Variants in IL1RAPL1 observed in about 807,000 individuals in gnomAD.
IL1RAPL1 encodes interleukin 1 receptor accessory protein like 1, also known as interleukin-1 receptor accessory protein-like 1.
A neutral mutation model predicts 48.4 loss-of-function variants in IL1RAPL1; 3 were observed. The observed-to-expected ratio is 0.06, with a 90% CI of 0.03 to 0.16. The LOEUF (loss-of-function observed/expected upper bound fraction) is 0.16. IL1RAPL1 is among the 10% of genes least tolerant of loss of function. The pLI is 1.00. For synonymous variants in IL1RAPL1, 185 were observed against 187.7 expected (o/e 0.99, Z 0.12); for missense variants, 349 against 530.6 (o/e 0.66, Z 3.36).
intron 1 of IL1RAPL1, among the ~76,000 whole-genome samples, chrX:28,738,399 C>T (rs1052786081): frequency 3.6e-5 from 4 of 111,455 alleles, no homozygotes; most frequent in African/African-American, 1.3e-4. Flanking sequence ...CCTCATGTAT[C>T]TTATAAGAAG....
intron 2 of IL1RAPL1, among the ~76,000 whole-genome samples, chrX:28,933,093 G>T (rs931691537): frequency 1.9e-4 from 21 of 111,826 alleles, no homozygotes; most frequent in African/African-American, 6.8e-4. Context: ...TTTCTAGCAA[G>T]CCAGAGCATT....
At chrX:29,862,969 TAAAA>T (rs1206630965) in intron 6 of IL1RAPL1, among the ~76,000 whole-genome samples, 18 of 61,555 alleles carry the variant, frequency 2.9e-4, no homozygotes, top group African/African-American at 9.3e-4. Context: ...TTGGCATACT[TAAAA>T]AAAAAAAAAA....
intron 5 of IL1RAPL1, among the ~76,000 whole-genome samples, chrX:29,457,083 G>A (rs1180270751): frequency 3.6e-5 from 4 of 110,257 alleles, no homozygotes; most frequent in Non-Finnish European, 5.7e-5. Context: ...GCAGTGAGCC[G>A]TGATTGCACC....
intron 2 of IL1RAPL1, among the ~76,000 whole-genome samples, chrX:29,133,551 C>T (rs1929065525): frequency 9.0e-6 from 1 of 111,534 alleles, no homozygotes; most frequent in Admixed American, 9.6e-5. Context: ...ACAAAAATTG[C>T]ACCAAAAGTA....
At chrX:29,853,605 C>T (rs1331286664) in intron 6 of IL1RAPL1, among the ~76,000 whole-genome samples, 2 of 111,043 alleles carry the variant, frequency 1.8e-5, no homozygotes, top group African/African-American at 3.3e-5. Flanking sequence ...AAAAGAATGG[C>T]AATTAAAAGT....
At chrX:29,915,772 A>C (rs1601881382) in intron 6 of IL1RAPL1, among the ~76,000 whole-genome samples, 1 of 61,264 alleles carries the variant, frequency 1.6e-5, no homozygotes, top group African/African-American at 6.5e-5. Context: ...ATTATACTTT[A>C]AGTTTTAGGG....
intron 3 of IL1RAPL1, among the ~76,000 whole-genome samples, chrX:29,382,547 T>A (rs1359954853): frequency 8.9e-6 from 1 of 112,012 alleles, no homozygotes; most frequent in African/African-American, 3.2e-5. Flanking sequence ...AAATGTCTGT[T>A]CCATGTACAC....
chrX:29,766,097 G>A (rs769629884), intron 6 of IL1RAPL1, among the ~76,000 whole-genome samples: 32 of 108,260 alleles, frequency 3.0e-4, no homozygotes, highest in Admixed American at 9.1e-4. Context: ...TTGGGAGGCC[G>A]AGGTGGACGG....
At chrX:29,803,280 C>CACACATGTATATATGTATACATAT in intron 6 of IL1RAPL1, among the ~76,000 whole-genome samples, 2 of 26,512 alleles carry the variant, frequency 7.5e-5, no homozygotes, top group South Asian at 1.2e-3. Flanking sequence ...TATACATATA[C>CACACATGTATATATGTATACATAT]ACACATGTAT....
intron 2 of IL1RAPL1, among the ~76,000 whole-genome samples, chrX:29,175,158 A>C (rs1929989932): frequency 9.0e-6 from 1 of 111,156 alleles, no homozygotes; most frequent in Admixed American, 9.6e-5. Context: ...TAAAAACCTC[A>C]CGCTCAAAAT....
At chrX:29,266,016 T>C (rs1007193841) in intron 2 of IL1RAPL1, among the ~76,000 whole-genome samples, 28 of 111,188 alleles carry the variant, frequency 2.5e-4, no homozygotes, top group African/African-American at 7.8e-4. Context: ...ACACTGTTGG[T>C]GGGACTGTAA....
At chrX:29,785,779 T>C (rs1054641137) in intron 6 of IL1RAPL1, among the ~76,000 whole-genome samples, 1 of 111,625 alleles carries the variant, frequency 9.0e-6, no homozygotes, top group Non-Finnish European at 1.9e-5. Context: ...CAAACCATTC[T>C]CTTGAACAAA....
chrX:28,704,421 AACACACACACACACACACACAC>A (rs71703533), intron 1 of IL1RAPL1, among the ~76,000 whole-genome samples: 6 of 89,525 alleles, frequency 6.7e-5, no homozygotes, highest in African/African-American at 2.5e-4. Flanking sequence ...AAAACACACA[AACACACACACACACACACACAC>A]ACACACACAC....
chrX:29,080,982 TTCTTTCTTTCTTTC>T (rs1329768292), intron 2 of IL1RAPL1, among the ~76,000 whole-genome samples: 49 of 43,354 alleles, frequency 1.1e-3, no homozygotes, highest in African/African-American at 4.8e-3. Context: ...CTTTCTTTCT[TTCTTTCTTTCTTTC>T]TCTCTCTCTC....
At chrX:28,726,701 G>A (rs746022119) in intron 1 of IL1RAPL1, among the ~76,000 whole-genome samples, 1 of 111,806 alleles carries the variant, frequency 8.9e-6, no homozygotes, top group African/African-American at 3.2e-5. Context: ...CATCCTCATA[G>A]TGTTCCTATG....
At chrX:28,906,574 A>C (rs965375352) in intron 2 of IL1RAPL1, among the ~76,000 whole-genome samples, 1 of 112,214 alleles carries the variant, frequency 8.9e-6, no homozygotes, top group Non-Finnish European at 1.9e-5. Context: ...GCCTCAAAAC[A>C]AAGAGCAAAT....
chrX:29,151,315 A>G (rs959463579), intron 2 of IL1RAPL1, among the ~76,000 whole-genome samples: 1 of 111,976 alleles, frequency 8.9e-6, no homozygotes, highest in Non-Finnish European at 1.9e-5. Context: ...GCCAATTCCT[A>G]TCTGTTTCAC....
intron 9 of IL1RAPL1, among the ~76,000 whole-genome samples, chrX:29,942,037 CACTT>C (rs1174967583): frequency 8.9e-6 from 1 of 112,140 alleles, no homozygotes; most frequent in Admixed American, 9.4e-5. Context: ...GTATTCCAAA[CACTT>C]ACAAATTACA....
intron 5 of IL1RAPL1, among the ~76,000 whole-genome samples, chrX:29,592,058 C>T (rs1923394535): frequency 9.0e-6 from 1 of 111,645 alleles, no homozygotes; most frequent in African/African-American, 3.3e-5. Context: ...AGGATGGGTT[C>T]ATTTTCTACA....
Sources: allele counts gnomAD v4.1 joint callset (sites outside exome capture counted in the v4.1 genomes callset), GRCh38; gene constraint gnomAD v4.1.1; transcripts MANE v1.5; gene names NCBI Gene and HGNC (gene_info 2026-07-23, HGNC 2026-07-21).